CC2D2B: variants seen among roughly 807,000 people sequenced by gnomAD.
The protein encoded by CC2D2B is protein CC2D2B.
In CC2D2B, 128 loss-of-function variants were observed where a neutral mutation model predicts 161.2. The observed-to-expected ratio is 0.79, with a 90% CI of 0.69 to 0.92. The LOEUF (loss-of-function observed/expected upper bound fraction) is 0.92, where lower values mean the gene tolerates loss of function less well. CC2D2B is among the 40% of genes least tolerant of loss of function. CC2D2B has a pLI of 0.00. For synonymous variants in CC2D2B, 391 were observed against 449.8 expected, an observed-to-expected ratio of 0.87 and a Z score of 1.65; for missense variants, 1,173 against 1,375.1, an observed-to-expected ratio of 0.85 and a Z score of 2.32.
At chr10:96,026,568 G>A (rs942318346) in intron 33 of CC2D2B, among the ~76,000 whole-genome samples, 1 of 152,178 alleles carries the variant, frequency 6.6e-6, no homozygotes, top group Non-Finnish European at 1.5e-5. Flanking sequence ...GGGTCTTGAA[G>A]AGTAGGAATG....
In CC2D2B at chr10:95,983,677, C is replaced by G; in HGVS notation, c.2154C>G (p.Phe718Leu). ...RLEQLQDEFN[F>L]VSEEEMAKSK... Reference sequence around the variant, plus strand: ...AACAGTTGCAAGATGAATTTAACTTCGTTTCTGAAGAGGAAATGGCAAAGA... The same window carrying G: ...AACAGTTGCAAGATGAATTTAACTTGGTTTCTGAAGAGGAAATGGCAAAGA... The change falls in exon 19 of 35, where the codon TTC (phenylalanine) becomes TTG (leucine). Residue 718 changes from phenylalanine (F) to leucine (L), a missense_variant. This residue lies in a region of CC2D2B where 277 missense variants were observed against 420.6 expected (regional missense o/e 0.66). Transcript: ENST00000646931. 8.1e-7 allele frequency: 1 copy of G among 1,231,486 alleles called. No homozygotes were observed. Among genetic ancestry groups the G allele is most frequent in the Non-Finnish European group, 1.0e-6 (1 of 987,492 alleles). The allele number at this position is 1,231,486 out of a possible 1,614,324, so 76.3% of individuals were successfully genotyped here.
chr10:95,978,426 G>A (rs928105270), intron 17 of CC2D2B, among the ~76,000 whole-genome samples: 3 of 152,292 alleles, frequency 2.0e-5, no homozygotes, highest in African/African-American at 7.2e-5. Context: ...ATGTAGTGGT[G>A]TAATCATAGC....
intron 10 of CC2D2B, 42 bp from the exon 11 acceptor site, chr10:95,955,352 G>A: frequency 2.5e-6 from 1 of 396,454 alleles, no homozygotes; most frequent in Non-Finnish European, 4.5e-6. Context: ...ATGGTAACAG[G>A]CAGATAAAAT....
chr10:95,909,592 T>C (rs1473240888), intron 1 of CC2D2B, among the ~76,000 whole-genome samples: 1 of 152,192 alleles, frequency 6.6e-6, no homozygotes, highest in African/African-American at 2.4e-5. Context: ...TTTAGAAATA[T>C]TTCTAACAAG....
At chr10:95,926,062 C>G (rs1470783679) in intron 5 of CC2D2B, among the ~76,000 whole-genome samples, 2 of 151,630 alleles carry the variant, frequency 1.3e-5, no homozygotes, top group Non-Finnish European at 2.9e-5. Flanking sequence ...CTCTTAGATG[C>G]TTAATAAAAA....
chr10:95,981,012 T>C (rs1363912552), intron 17 of CC2D2B, among the ~76,000 whole-genome samples: 2 of 152,148 alleles, frequency 1.3e-5, no homozygotes, highest in Non-Finnish European at 2.9e-5. Context: ...TCAATTAGGG[T>C]TGAATTCCTT....
intron 15 of CC2D2B, among the ~76,000 whole-genome samples, chr10:95,969,248 C>A (rs941252557): frequency 6.6e-6 from 1 of 152,116 alleles, no homozygotes; most frequent in Admixed American, 6.5e-5. Context: ...TTCTATAATA[C>A]GAACTTCCAC....
intron 6 of CC2D2B, among the ~76,000 whole-genome samples, chr10:95,932,369 G>T (rs1224470645): frequency 6.6e-6 from 1 of 152,142 alleles, no homozygotes; most frequent in African/African-American, 2.4e-5. Context: ...GGGGCATTTA[G>T]CCCATTTACA....
At position 96,012,669 on chromosome 10, in the gene CC2D2B, G is replaced by T; in HGVS notation, c.3366G>T (p.Lys1122Asn). ...AGTTCTTAGTCACAAGATATATCAA[G>T]GCATTAAATCCACCTCAGCAACTTC... ...GIQFLVTRYI[K>N]ALNPPQQLLD... The change falls in exon 28 of 35, where the codon AAG becomes AAT. Residue 1122 changes from lysine to asparagine, a missense_variant. By Grantham distance (94) the Lys-to-Asn change is moderately conservative. Coordinates refer to ENST00000646931, the MANE Select transcript of CC2D2B (RefSeq NM_001349008.3). The T allele has an allele frequency of 6.2e-7, 1 of 1,610,874 alleles. No homozygotes were observed. The highest frequency in any genetic ancestry group is 8.5e-7 in the Non-Finnish European group (1 of 1,177,168).
intron 30 of CC2D2B, chr10:96,018,923 A>G (rs2079327893): frequency 4.5e-6 from 1 of 221,706 alleles, no homozygotes. Flanking sequence ...TTAGCCTCCC[A>G]AGTAGCTGGG....
intron 14 of CC2D2B, 22 bp downstream of exon 14, chr10:95,966,324 T>A: frequency 3.6e-6 from 3 of 833,712 alleles, no homozygotes; most frequent in Non-Finnish European, 3.2e-6. Flanking sequence ...TAAATAATTA[T>A]TTATTTATTA....
In CC2D2B at chr10:95,972,091, G is replaced by C. The variant is rs935085594; in HGVS notation, c.1670G>C (p.Ser557Thr). ...GTTTATGAAAAAAGTAAAAGGACAAGCTTACTGGCAAAACTATATATACCT... is the reference window on the plus strand; with the variant it reads ...GTTTATGAAAAAAGTAAAAGGACAACCTTACTGGCAAAACTATATATACCT... ...LEVYEKSKRT[S>T]LLAKLYIPLP... Residue 557 changes from serine (S) to threonine (T), a missense_variant, in exon 16 of 35, where the codon AGC becomes ACC. By Grantham distance (58) the Ser-to-Thr change is moderately conservative (BLOSUM62 1). Around this residue, in one of 3 missense-constraint regions of CC2D2B, gnomAD observed 277 missense variants for 420.6 expected, o/e 0.66. Transcript: ENST00000646931. The C allele has an allele frequency of 5.7e-6, 7 of 1,229,734 alleles. No individual in the cohort carries two copies. The African/African-American group carries it at 1.1e-4, about 19-fold the overall frequency. The allele number at this position is 1,229,734 out of a possible 1,614,324, so 76.2% of individuals were successfully genotyped here. A position where few individuals can be genotyped will look rare whatever the true frequency, so the allele number is the denominator to read the frequency against.
intron 32 of CC2D2B, chr10:96,021,205 G>A (rs1012329574): frequency 2.6e-5 from 4 of 152,216 alleles, no homozygotes; most frequent in Non-Finnish European, 5.9e-5. Context: ...CCTGGTAAAG[G>A]TGAAGATGCT....
intron 15 of CC2D2B, among the ~76,000 whole-genome samples, chr10:95,970,347 T>G (rs1334628796): frequency 6.6e-6 from 1 of 152,218 alleles, no homozygotes; most frequent in East Asian, 1.9e-4. Context: ...AGTTCATTTC[T>G]TACTACTCCT....
At chr10:95,926,815 A>AGTGTGTGTCTGTGT (rs2098539360) in intron 5 of CC2D2B, among the ~76,000 whole-genome samples, 1 of 134,946 alleles carries the variant, frequency 7.4e-6, no homozygotes, top group East Asian at 2.1e-4. Flanking sequence ...CTGAGGTGGC[A>AGTGTGTGTCTGTGT]GTGTGTGTGT....
At chr10:96,006,173 T>G (rs1470444395) in intron 25 of CC2D2B, among the ~76,000 whole-genome samples, 1 of 151,080 alleles carries the variant, frequency 6.6e-6, no homozygotes, top group Admixed American at 6.6e-5. Context: ...CTACAGTTTT[T>G]GTACTTACTT....
At chr10:96,026,058 A>C (rs2079758804) in intron 33 of CC2D2B, among the ~76,000 whole-genome samples, 1 of 152,204 alleles carries the variant, frequency 6.6e-6, no homozygotes, top group South Asian at 2.1e-4. Flanking sequence ...CTGGATCAAT[A>C]TCTGGAGGTG....
At chr10:96,007,016 A>C (rs572139985) in intron 25 of CC2D2B, among the ~76,000 whole-genome samples, 1 of 152,150 alleles carries the variant, frequency 6.6e-6, no homozygotes, top group Non-Finnish European at 1.5e-5. Flanking sequence ...CTAATTTTAC[A>C]TACTTTTTAT....
chr10:96,029,290 A>ATATATATATATATATATATATATATATG (rs2079955896), intron 34 of CC2D2B, among the ~76,000 whole-genome samples: 2 of 92,058 alleles, frequency 2.2e-5, no homozygotes, highest in South Asian at 3.9e-4. Context: ...ATATATGTAT[A>ATATATATATATATATATATATATATATG]TATATATATA....
Sources: gnomAD v4.1 joint callset for allele counts (sites outside exome capture counted in the v4.1 genomes callset) on GRCh38, gnomAD v4.1.1 for gene constraint, gnomAD v4.1.1 regional missense constraint, MANE v1.5 for transcripts, NCBI Gene and HGNC (gene_info 2026-07-23, HGNC 2026-07-21) for gene names.